The following LRP4 variants were observed in gnomAD, a reference collection of about 807,000 sequenced individuals.
LRP4 encodes the protein LDL receptor related protein 4.
LRP4 carries 95 observed loss-of-function variants against 220.3 expected under a neutral mutation model. The observed-to-expected ratio is 0.43, with a 90% CI of 0.37 to 0.51. LRP4 has a LOEUF of 0.51. Among genes scored for constraint, LRP4 ranks in the 20% least tolerant of loss-of-function variants. The pLI is 0.00. For missense variants in LRP4, 1,925 were observed against 2,567.0 expected (o/e 0.75, Z 5.40); for synonymous variants, 903 against 954.6 (o/e 0.95, Z 1.00).
At chr11:46,885,772 C>CA (rs34867767) in intron 18 of LRP4, among the ~76,000 whole-genome samples, 18,781 of 56,540 alleles carry the variant, frequency 0.33, 3,115 homozygotes, top group East Asian at 0.7. Context: ...GACTCCGCCT[C>CA]AAAAAAAAAA....
At chr11:46,908,432 C>G (rs971351929) in intron 1 of LRP4, among the ~76,000 whole-genome samples, 1 of 152,172 alleles carries the variant, frequency 6.6e-6, no homozygotes, top group Non-Finnish European at 1.5e-5. Flanking sequence ...ATTATCACCA[C>G]TTTACAGCTG....
intron 16 of LRP4, 125 bp from the exon 17 acceptor site, chr11:46,886,658 C>T: frequency 3.8e-6 from 3 of 798,308 alleles, no homozygotes; most frequent in South Asian, 1.5e-5. Context: ...CCCTTTGCCC[C>T]CTATACTTTA....
At position 46,899,586 on chromosome 11, in the gene LRP4, T is replaced by C. The variant is rs895776745; in HGVS notation, c.431-83A>G. The C allele has an allele frequency of 2.9e-6, 3 of 1,038,740 alleles. No individual in the cohort carries two copies. The Admixed American group carries it at 5.1e-5, about 18-fold the overall frequency. The allele number at this position is 1,038,740 out of a possible 1,614,324, so 64.3% of individuals were successfully genotyped here. A position where few individuals can be genotyped will look rare whatever the true frequency, so the allele number is the denominator to read the frequency against. On this transcript the variant is annotated intron_variant, in intron 4 of 37. Coordinates refer to ENST00000378623, the MANE Select transcript of LRP4 (RefSeq NM_002334.4). This position sits in a 1 kb window ranked among gnomAD's most constrained non-coding sequence, Gnocchi z 5.9. ...CCTCCTCTCTGACTCCCAACCTCACTGGCTTTGGCGGGTCTGACCTAGCCC... is the reference window on the plus strand; with the variant it reads ...CCTCCTCTCTGACTCCCAACCTCACCGGCTTTGGCGGGTCTGACCTAGCCC...
In LRP4 at chr11:46,886,083, A is replaced by C. The variant is rs762865194; in HGVS notation, c.2506+8T>G. On this transcript the variant is annotated splice_region_variant and intron_variant, in intron 18 of 37. Transcript: ENST00000378623. ...GAGCCAGGCAGGCCACGGCTCCCCT[A>C]TGCATACCTGCATCTGTCCAGTACA... 6.2e-7 allele frequency: 1 copy of C among 1,613,436 alleles called. No individual in the cohort carries two copies. The highest frequency in any genetic ancestry group is 8.5e-7 in the Non-Finnish European group (1 of 1,179,600).
At chr11:46,862,240 G>A (rs1940576695) in intron 37 of LRP4, among the ~76,000 whole-genome samples, 1 of 152,152 alleles carries the variant, frequency 6.6e-6, no homozygotes, top group Non-Finnish European at 1.5e-5. Context: ...GGTTTTTTGG[G>A]TGTTGTCTGG....
intron 16 of LRP4, among the ~76,000 whole-genome samples, chr11:46,886,750 C>T (rs1185130735): frequency 1.3e-5 from 2 of 152,182 alleles, no homozygotes; most frequent in African/African-American, 4.8e-5. Flanking sequence ...ACTAAGGTCC[C>T]AGAAGTGCAT....
chr11:46,875,671 G>A lies in LRP4; in HGVS notation c.3710C>T (p.Ala1237Val). The A allele has an allele frequency of 6.2e-7, 1 of 1,614,118 alleles. No individual in the cohort carries two copies. Among genetic ancestry groups the A allele is most frequent in the East Asian group, 2.2e-5 (1 of 44,888 alleles). The change falls in exon 27 of 38, where the codon GCT becomes GTT. Residue 1237 changes from alanine (A) to valine (V), a missense_variant. Ala to Val is a moderately conservative substitution (Grantham distance 64). Transcript: ENST00000378623. This position sits in a 1 kb window ranked among gnomAD's most constrained non-coding sequence, Gnocchi z 4.5. ...WADAHTERIE[A>V]ADLNGANRHT... ...CCGATTGGCACCATTCAGGTCAGCA[G>A]CCTCAATTCGCTGCAGAGGAAGGAG...
chr11:46,859,878 T>C (rs1241353379), intron 37 of LRP4, among the ~76,000 whole-genome samples: 2 of 152,178 alleles, frequency 1.3e-5, no homozygotes, highest in Non-Finnish European at 2.9e-5. Context: ...TGCTAGTTTG[T>C]ATCTCTTTTT....
intron 13 of LRP4, among the ~76,000 whole-genome samples, chr11:46,891,428 T>TACACAC (rs57116396): frequency 1.2e-4 from 17 of 147,194 alleles, no homozygotes; most frequent in Middle Eastern, 3.5e-3. Flanking sequence ...TTGTATTTTA[T>TACACAC]ACACACACAC....
intron 15 of LRP4, 81 bp downstream of exon 15, chr11:46,889,863 G>A (rs1259866276): frequency 6.7e-7 from 1 of 1,503,184 alleles, no homozygotes; most frequent in Non-Finnish European, 9.3e-7. Flanking sequence ...GCAACTCTAA[G>A]GGGAAGGAAG....
Position 46,875,804 on chromosome 11 carries a change from C to T in LRP4, c.3699G>A (p.Glu1233=). 6.2e-7 allele frequency: 1 copy of T among 1,614,114 alleles called. No homozygotes were observed. The change falls in exon 26 of 38, where the codon GAG becomes GAA. Residue 1233 remains glutamate (E), a splice_region_variant and synonymous_variant. Coordinates refer to ENST00000378623, the MANE Select transcript of LRP4 (RefSeq NM_002334.4). The surrounding 1 kb of genome is among the most constrained non-coding windows in gnomAD (Gnocchi z 4.5). The part of the protein sequence containing the change: ...SQLLWADAHT[E]RIEAADLNGA... The stretch of plus-strand genomic sequence containing the variant: ...GAAGCAGCAGGGACACGGCTCTCAC[C>T]TCGGTGTGGGCATCGGCCCATAGCA...
intron 34 of LRP4, among the ~76,000 whole-genome samples, chr11:46,866,291 G>GT (rs534050205): frequency 1.2e-3 from 169 of 144,174 alleles, no homozygotes; most frequent in African/African-American, 3.4e-3. Context: ...TTTGTTTTTT[G>GT]TTTTTTTTTT....
chr11:46,879,354 C>G, intron 20 of LRP4, 39 bp from the exon 21 acceptor site: 1 of 1,608,636 alleles, frequency 6.2e-7, no homozygotes, highest in African/African-American at 1.3e-5. Context: ...TCAACAAAGT[C>G]TGACAGTACA....
rs200509094 is a variant in LRP4, at chr11:46,894,828, C to A, written c.1310-9G>T. The A allele has an allele frequency of 6.2e-7, 1 of 1,612,446 alleles. No homozygotes were observed. Among genetic ancestry groups the A allele is most frequent in the Non-Finnish European group, 8.5e-7 (1 of 1,178,514 alleles). ...CAGCACAGGCTCTGGCCCTGGGAAA[C>A]AGTATAAACATGGGATACCCACTGG... On this transcript the variant is annotated splice_polypyrimidine_tract_variant and intron_variant, in intron 11 of 37. Coordinates refer to ENST00000378623, the MANE Select transcript of LRP4 (RefSeq NM_002334.4).
At chr11:46,896,457 C>T (rs1241737191) in intron 8 of LRP4, 122 bp from the exon 9 acceptor site, 3 of 1,262,232 alleles carry the variant, frequency 2.4e-6, no homozygotes, top group East Asian at 4.6e-5. Flanking sequence ...GGTGAGGGTC[C>T]TGGGCAGGAA....
At chr11:46,893,381 C>T (rs1344687988) in intron 12 of LRP4, among the ~76,000 whole-genome samples, 14 of 152,188 alleles carry the variant, frequency 9.2e-5, no homozygotes, top group Admixed American at 9.2e-4. Flanking sequence ...TCACAGTCAA[C>T]CATACATCAC....
chr11:46,908,537 T>C (rs1941799505), intron 1 of LRP4, among the ~76,000 whole-genome samples: 1 of 152,214 alleles, frequency 6.6e-6, no homozygotes, highest in African/African-American at 2.4e-5. Context: ...GTGATTATAC[T>C]GCTTCCCAAT....
chr11:46,894,902 T>C (rs1303183787), intron 11 of LRP4, 83 bp from the exon 12 acceptor site: 5 of 1,221,248 alleles, frequency 4.1e-6, no homozygotes, highest in African/African-American at 1.5e-5. Context: ...AGCTGACCGA[T>C]GGAGCCACTT....
intron 36 of LRP4, chr11:46,863,057 T>C: frequency 2.5e-6 from 1 of 396,180 alleles, no homozygotes. Context: ...ATGTTGTAAG[T>C]TGTCCTATGG....
Sources: gnomAD v4.1 joint callset for allele counts (sites outside exome capture counted in the v4.1 genomes callset) on GRCh38, gnomAD v4.1.1 for gene constraint, Gnocchi (gnomAD v3.1) non-coding constraint, MANE v1.5 for transcripts, NCBI Gene and HGNC (gene_info 2026-07-23, HGNC 2026-07-21) for gene names.